Variants in RELL1 observed in about 807,000 individuals in gnomAD.
RELL1 encodes RELT-like protein 1.
RELL1 carries 10 observed loss-of-function variants against 23.0 expected under a neutral mutation model. The observed-to-expected ratio is 0.43, with a 90% CI of 0.27 to 0.74. The LOEUF (loss-of-function observed/expected upper bound fraction) is 0.74, where lower values mean the gene tolerates loss of function less well. Among genes scored for constraint, RELL1 ranks in the 30% least tolerant of loss-of-function variants. The probability of loss-of-function intolerance (pLI) is 0.19; values close to 1 mark genes in which losing one functional copy is unlikely to be tolerated. For synonymous variants in RELL1, 146 were observed against 146.8 expected (o/e 0.99, Z 0.04); for missense variants, 315 against 364.4 (o/e 0.86, Z 1.10).
chr4:37,665,257 T>G (rs1160918257), intron 1 of RELL1: 3 of 456,294 alleles, frequency 6.6e-6, no homozygotes, highest in Non-Finnish European at 8.8e-6. Context: ...TAGATTCTTT[T>G]CAGAGCTGGA....
intron 1 of RELL1, among the ~76,000 whole-genome samples, chr4:37,675,813 AG>A (rs1356820497): frequency 1.3e-5 from 2 of 152,192 alleles, no homozygotes; most frequent in Non-Finnish European, 2.9e-5. Context: ...CCCTGCTCAC[AG>A]TTGATACTTA....
At chr4:37,597,874 A>T (rs1416429659) in intron 6 of RELL1, among the ~76,000 whole-genome samples, 1 of 151,934 alleles carries the variant, frequency 6.6e-6, no homozygotes, top group African/African-American at 2.4e-5. Flanking sequence ...AAAATGGCGA[A>T]ACCCTGTCTC....
intron 1 of RELL1, among the ~76,000 whole-genome samples, chr4:37,684,417 C>G (rs556667992): frequency 6.6e-6 from 1 of 152,066 alleles, no homozygotes; most frequent in Non-Finnish European, 1.5e-5. Flanking sequence ...GTCCTGAGAC[C>G]TGGGTGTTGC....
At chr4:37,652,771 G>A (rs902025002) in intron 1 of RELL1, among the ~76,000 whole-genome samples, 4 of 152,106 alleles carry the variant, frequency 2.6e-5, no homozygotes, top group African/African-American at 7.2e-5. Flanking sequence ...ACAAACATGT[G>A]TCATTCACTT....
intron 6 of RELL1, among the ~76,000 whole-genome samples, chr4:37,624,283 C>A (rs1046296987): frequency 6.6e-6 from 1 of 152,318 alleles, no homozygotes; most frequent in South Asian, 2.1e-4. Flanking sequence ...CCGAAAACGT[C>A]TCTGTCCAGC....
intron 1 of RELL1, among the ~76,000 whole-genome samples, chr4:37,659,095 C>A (rs1336614631): frequency 6.6e-6 from 1 of 152,216 alleles, no homozygotes; most frequent in African/African-American, 2.4e-5. Flanking sequence ...GCAAGAGCCA[C>A]TGAAATAGGC....
intron 6 of RELL1, among the ~76,000 whole-genome samples, chr4:37,603,716 G>A (rs1438694874): frequency 6.6e-6 from 1 of 152,176 alleles, no homozygotes; most frequent in Non-Finnish European, 1.5e-5. Flanking sequence ...GGGGCTGGTG[G>A]AGACTATATT....
At chr4:37,659,082 A>C (rs541528290) in intron 1 of RELL1, among the ~76,000 whole-genome samples, 5 of 152,298 alleles carry the variant, frequency 3.3e-5, no homozygotes, top group African/African-American at 1.2e-4. Flanking sequence ...TCTTTTGCAC[A>C]CAGCAAGAGC....
intron 6 of RELL1, among the ~76,000 whole-genome samples, chr4:37,598,252 C>CAAAA (rs56142508): frequency 0.018 from 204 of 11,316 alleles, 40 homozygotes; most frequent in East Asian, 0.033. Context: ...AACTCTGTCT[C>CAAAA]AAAAAAAAAA....
At chr4:37,680,931 CAAAAAAAAAAA>C (rs397992973) in intron 1 of RELL1, among the ~76,000 whole-genome samples, 1 of 73,644 alleles carries the variant, frequency 1.4e-5, no homozygotes. Flanking sequence ...CACTCCATCT[CAAAAAAAAAAA>C]AAAAAAAAAA....
intron 6 of RELL1, among the ~76,000 whole-genome samples, chr4:37,600,689 C>T (rs1229175215): frequency 6.6e-6 from 1 of 151,714 alleles, no homozygotes; most frequent in African/African-American, 2.4e-5. Context: ...ATTTTTAATA[C>T]AAAACAGAAA....
At chr4:37,620,857 A>G (rs1719738475) in intron 6 of RELL1, among the ~76,000 whole-genome samples, 1 of 152,252 alleles carries the variant, frequency 6.6e-6, no homozygotes. Flanking sequence ...GATCCGATAT[A>G]GTAATTTAAC....
chr4:37,679,557 T>C (rs1481275550), intron 1 of RELL1, among the ~76,000 whole-genome samples: 1 of 152,206 alleles, frequency 6.6e-6, no homozygotes, highest in Non-Finnish European at 1.5e-5. Context: ...TTTAGGAAGG[T>C]AATGCAATGC....
At chr4:37,647,833 T>G (rs574034201) in intron 2 of RELL1, among the ~76,000 whole-genome samples, 1 of 152,348 alleles carries the variant, frequency 6.6e-6, no homozygotes, top group East Asian at 1.9e-4. Flanking sequence ...TATATCAATT[T>G]ACAATATTAA....
At chr4:37,641,879 TG>T (rs1271915647) in intron 3 of RELL1, among the ~76,000 whole-genome samples, 1 of 152,180 alleles carries the variant, frequency 6.6e-6, no homozygotes, top group Admixed American at 6.5e-5. Context: ...TCTTACGTGT[TG>T]GACTTTTCTG....
At chr4:37,662,327 T>C (rs1298708206) in intron 1 of RELL1, among the ~76,000 whole-genome samples, 1 of 152,182 alleles carries the variant, frequency 6.6e-6, no homozygotes, top group Non-Finnish European at 1.5e-5. Context: ...ATTTGGGGCA[T>C]AACCTATCCT....
intron 4 of RELL1, among the ~76,000 whole-genome samples, chr4:37,637,847 A>T (rs1172300844): frequency 2.6e-5 from 4 of 152,228 alleles, no homozygotes; most frequent in Admixed American, 1.3e-4. Flanking sequence ...ACAAAAACAG[A>T]ACATAGCAGG....
intron 6 of RELL1, among the ~76,000 whole-genome samples, chr4:37,600,400 T>C (rs1025289938): frequency 2.0e-5 from 3 of 152,194 alleles, no homozygotes; most frequent in Admixed American, 1.3e-4. Context: ...CAAAGCTGTA[T>C]GAATCACTTC....
chr4:37,620,967 A>C (rs1719742183), intron 6 of RELL1, among the ~76,000 whole-genome samples: 1 of 152,244 alleles, frequency 6.6e-6, no homozygotes. Flanking sequence ...AAGCTGGGGC[A>C]TCAGAGGCTA....
Sources: gnomAD v4.1 joint callset for allele counts (sites outside exome capture counted in the v4.1 genomes callset) on GRCh38, gnomAD v4.1.1 for gene constraint, MANE v1.5 for transcripts, NCBI Gene and HGNC (gene_info 2026-07-23, HGNC 2026-07-21) for gene names.